Variants in NUFIP1 observed in about 807,000 individuals in gnomAD.
The protein encoded by NUFIP1 is nuclear FMR1 interacting protein 1.
A neutral mutation model predicts 56.2 loss-of-function variants in NUFIP1; 38 were observed. That is an observed-to-expected ratio of 0.68 (90% CI 0.52 to 0.89). The LOEUF (loss-of-function observed/expected upper bound fraction) is 0.89. NUFIP1 is among the 40% of genes least tolerant of loss of function. NUFIP1 has a pLI of 0.00. For synonymous variants in NUFIP1, 215 were observed against 212.4 expected (o/e 1.01, Z -0.10); for missense variants, 567 against 605.8 (o/e 0.94, Z 0.67).
intron 5 of NUFIP1, among the ~76,000 whole-genome samples, chr13:44,978,941 A>T (rs1309436471): frequency 6.6e-6 from 1 of 152,218 alleles, no homozygotes; most frequent in Non-Finnish European, 1.5e-5. Flanking sequence ...ACCACTGAAC[A>T]TCTGACAGGT....
At chr13:44,968,685 T>C (rs1327378832) in intron 5 of NUFIP1, among the ~76,000 whole-genome samples, 1 of 152,190 alleles carries the variant, frequency 6.6e-6, no homozygotes, top group Non-Finnish European at 1.5e-5. Flanking sequence ...CCCTCCACAA[T>C]TCTCAAATTT....
intron 7 of NUFIP1, among the ~76,000 whole-genome samples, chr13:44,957,097 T>C (rs1198004900): frequency 6.6e-6 from 1 of 152,216 alleles, no homozygotes; most frequent in Non-Finnish European, 1.5e-5. Flanking sequence ...ATTTTTATAT[T>C]CAAGATACAG....
chr13:44,939,543 T>C lies in NUFIP1; in HGVS notation c.*1663A>G, dbSNP rs1398215670. 4 of 151,946 alleles carry C rather than the reference T, an allele frequency of 2.6e-5. No homozygotes were observed. 9.4% of individuals were successfully genotyped at this position (151,946 alleles called of 1,614,324 possible). On this transcript the variant is annotated 3_prime_UTR_variant, in exon 10 of 10. Coordinates refer to ENST00000379161, the MANE Select transcript of NUFIP1 (RefSeq NM_012345.3). ...CACCCCTCTACCCACCCAAAACTCA[T>C]AGAATATTTACAAATATTGACCATA...
intron 5 of NUFIP1, among the ~76,000 whole-genome samples, chr13:44,967,829 G>A (rs1391174736): frequency 6.6e-6 from 1 of 152,144 alleles, no homozygotes; most frequent in Non-Finnish European, 1.5e-5. Flanking sequence ...GATTCTAGGA[G>A]TATAAAAAAC....
chr13:44,962,685 T>C (rs764348318), intron 6 of NUFIP1, among the ~76,000 whole-genome samples: 1 of 152,228 alleles, frequency 6.6e-6, no homozygotes, highest in African/African-American at 2.4e-5. Flanking sequence ...AGCAGCCTCC[T>C]GGGCCTTCAC....
rs772972159 is a variant in NUFIP1 at position 44,980,905 on chromosome 13, C to G, written c.496-85G>C. 4 of 792,088 alleles carry G rather than the reference C, an allele frequency of 5.0e-6. No homozygotes were observed. In the South Asian group the frequency reaches 5.1e-5, roughly 10 times the overall value. 49.1% of individuals were successfully genotyped at this position (792,088 alleles called of 1,614,324 possible). On this transcript the variant is annotated intron_variant, in intron 2 of 9. Transcript: ENST00000379161. Reference sequence around the variant, plus strand: ...AAACATAACTATCATTCTAGTAATACACACTTTGATGTTTCCAATAACCCT... The same window carrying G: ...AAACATAACTATCATTCTAGTAATAGACACTTTGATGTTTCCAATAACCCT...
intron 1 of NUFIP1, among the ~76,000 whole-genome samples, chr13:44,988,502 T>C (rs1206154951): frequency 6.6e-6 from 1 of 152,216 alleles, no homozygotes; most frequent in Non-Finnish European, 1.5e-5. Context: ...CATTCTTCTT[T>C]GTTTTATCTC....
Position 44,982,092 on chromosome 13 carries a change from TG to T in NUFIP1, c.474del (p.Ser159ValfsTer44). 1 of 1,512,222 alleles carries T rather than the reference TG, an allele frequency of 6.6e-7. No individual in the cohort carries two copies. The highest frequency in any genetic ancestry group is 8.8e-7 in the Non-Finnish European group (1 of 1,132,100). 93.7% of individuals were successfully genotyped at this position (1,512,222 alleles called of 1,614,324 possible). On this transcript the variant is annotated frameshift_variant, in exon 2 of 10. Coordinates refer to ENST00000379161, the MANE Select transcript of NUFIP1 (RefSeq NM_012345.3). LOFTEE classifies it high-confidence loss of function. ...DAKFTDFSLP[P>X]SRKQKKKKRK... ...AATACCTTTTTTTTCTGTTTTCTAC[TG>T]GGAGGTAAGCTGAAGTCTGTGAATT...
Position 44,965,919 on chromosome 13 carries a change from G to T in NUFIP1, c.752C>A (p.Ala251Asp). The T allele has an allele frequency of 6.3e-7, 1 of 1,583,804 alleles. No individual in the cohort carries two copies. Residue 251 changes from alanine to aspartate, a missense_variant, in exon 6 of 10, where the codon GCC becomes GAC. Physicochemically the swap from Ala to Asp is moderately radical, Grantham distance 126. Coordinates refer to ENST00000379161, the MANE Select transcript of NUFIP1 (RefSeq NM_012345.3). ...EERRKNYPTL[A>D]NIERKKKLKL... ...TAACTTCTTCTTCCTTTCAATATTGGCCAGAGTTGGATAGTTTCTAGAAAA... is the reference window on the plus strand; with the variant it reads ...TAACTTCTTCTTCCTTTCAATATTGTCCAGAGTTGGATAGTTTCTAGAAAA...
chr13:44,971,800 C>T (rs1871813427), intron 5 of NUFIP1, among the ~76,000 whole-genome samples: 1 of 152,214 alleles, frequency 6.6e-6, no homozygotes, highest in African/African-American at 2.4e-5. Context: ...TTAATATTTG[C>T]ATATGCAAGA....
chr13:44,978,984 AC>A lies in NUFIP1; in HGVS notation c.734+205del, dbSNP rs376249372. Among the ~76,000 whole-genome samples the A allele has an allele frequency of 3.2e-4, 48 of 152,182 alleles. 1 individual carries two copies. The East Asian group carries it at 8.1e-3, about 26-fold the overall frequency. On this transcript the variant is annotated intron_variant, in intron 5 of 9. Transcript: ENST00000379161. ...AGTAGCCCCCCTCAAAGAGCAACAT[AC>A]AGTCCCATTATGACACATTTGCTAC...
At position 44,989,116 on chromosome 13, in the gene NUFIP1, G is replaced by A; in HGVS notation, c.321C>T (p.Gly107=). The change falls in exon 1 of 10, where the codon GGC becomes GGT. Residue 107 remains glycine (G), a synonymous_variant. Transcript: ENST00000379161. ...TGGAAGCATGGAAATTCCAAGGCTG[G>A]CCGCTGGGTTGAGGCTGAGAATCAA... ...SPLDSQPQPS[G]QPWNFHASTS... is the part of the protein sequence containing the mutation. 1 of 1,614,176 alleles carries A rather than the reference G, an allele frequency of 6.2e-7. No homozygotes were observed. The highest frequency in any genetic ancestry group is 1.3e-5 in the African/African-American group (1 of 75,060).
intron 2 of NUFIP1, among the ~76,000 whole-genome samples, chr13:44,981,585 C>A (rs1052835453): frequency 6.6e-6 from 1 of 151,936 alleles, no homozygotes; most frequent in African/African-American, 2.4e-5. Context: ...CGGAGGTGGG[C>A]GGGTCACTTG....
chr13:44,989,442 T>A lies in NUFIP1; in HGVS notation c.-6A>T. The stretch of plus-strand genomic sequence containing the variant: ...TCACTAGTCGGCTCAGCCATACCAC[T>A]GGCGGGTCCGGAGTCTAGCACGCGA... On this transcript the variant is annotated 5_prime_UTR_variant, in exon 1 of 10. Coordinates refer to ENST00000379161, the MANE Select transcript of NUFIP1 (RefSeq NM_012345.3). 6.2e-7 allele frequency: 1 copy of A among 1,612,178 alleles called. No individual in the cohort carries two copies. Among genetic ancestry groups the A allele is most frequent in the Non-Finnish European group, 8.5e-7 (1 of 1,179,128 alleles).
chr13:44,946,512 A>G (rs1870906055), intron 8 of NUFIP1, among the ~76,000 whole-genome samples: 1 of 152,150 alleles, frequency 6.6e-6, no homozygotes. Context: ...AAACCAACCC[A>G]TTTGGAAGTA....
Position 44,982,410 on chromosome 13 carries a change from C to T in NUFIP1, c.413-256G>A, listed in dbSNP as rs190277894. The stretch of plus-strand genomic sequence containing the variant: ...GCGTCAAAGTGCAGAAATGGACAAC[C>T]TAACCTGATGAAATTCCTTCGGTTA... On this transcript the variant is annotated intron_variant, in intron 1 of 9. Coordinates refer to ENST00000379161, the MANE Select transcript of NUFIP1 (RefSeq NM_012345.3). 3.1e-3 allele frequency among the ~76,000 whole-genome samples: 470 copies of T among 152,262 alleles called. 2 individuals are homozygous for T. Among genetic ancestry groups the T allele is most frequent in the Middle Eastern group, 6.8e-3 (2 of 294 alleles).
chr13:44,965,083 C>T (rs913367835), intron 6 of NUFIP1, among the ~76,000 whole-genome samples: 1 of 152,114 alleles, frequency 6.6e-6, no homozygotes, highest in African/African-American at 2.4e-5. Context: ...ATGGGAGGAA[C>T]CAGGTGGGAG....
At chr13:44,976,374 C>G (rs1452686490) in intron 5 of NUFIP1, among the ~76,000 whole-genome samples, 4 of 126,514 alleles carry the variant, frequency 3.2e-5, no homozygotes, top group Admixed American at 2.5e-4. Flanking sequence ...GAGGAGGAGG[C>G]GAAGGTGAAG....
At chr13:44,948,935 GGTT>G (rs1181174507) in intron 8 of NUFIP1, among the ~76,000 whole-genome samples, 3 of 152,078 alleles carry the variant, frequency 2.0e-5, no homozygotes, top group Non-Finnish European at 4.4e-5. Context: ...ACAAGTATAA[GGTT>G]GTTGTGTTTT....
Sources: gnomAD v4.1 joint callset for allele counts (sites outside exome capture counted in the v4.1 genomes callset) on GRCh38, gnomAD v4.1.1 for gene constraint, MANE v1.5 for transcripts, NCBI Gene and HGNC (gene_info 2026-07-23, HGNC 2026-07-21) for gene names.